The following GPATCH2 variants were observed in gnomAD, a reference collection of about 807,000 sequenced individuals.
GPATCH2 encodes G patch domain-containing protein 2.
In GPATCH2, 51 loss-of-function variants were observed where a neutral mutation model predicts 58.0. The observed-to-expected ratio is 0.88, with a 90% CI of 0.70 to 1.11. The LOEUF is 1.11. Among genes scored for constraint, GPATCH2 ranks in the 50% most tolerant of loss-of-function variants. The probability of loss-of-function intolerance (pLI) is 0.00; values close to 1 mark genes in which losing one functional copy is unlikely to be tolerated. For missense variants in GPATCH2, 625 were observed against 652.2 expected (o/e 0.96, Z 0.45); for synonymous variants, 222 against 218.5 (o/e 1.02, Z -0.14).
intron 9 of GPATCH2, among the ~76,000 whole-genome samples, chr1:217,446,252 T>A (rs1659382876): frequency 6.6e-6 from 1 of 152,098 alleles, no homozygotes; most frequent in Non-Finnish European, 1.5e-5. Flanking sequence ...ACTCAATGTG[T>A]TTTTCAGGAG....
At chr1:217,468,486 C>T (rs1307572154) in intron 8 of GPATCH2, among the ~76,000 whole-genome samples, 1 of 144,968 alleles carries the variant, frequency 6.9e-6, no homozygotes, top group East Asian at 2.1e-4. Flanking sequence ...ATGTCTTCAA[C>T]CAAAAAATGT....
intron 8 of GPATCH2, among the ~76,000 whole-genome samples, chr1:217,464,741 T>C (rs1018499611): frequency 7.9e-5 from 12 of 152,080 alleles, no homozygotes; most frequent in Admixed American, 4.6e-4. Context: ...TTTTGATTGG[T>C]TTATGAAAAC....
At chr1:217,461,759 A>T (rs1043309706) in intron 8 of GPATCH2, among the ~76,000 whole-genome samples, 3 of 152,190 alleles carry the variant, frequency 2.0e-5, no homozygotes, top group African/African-American at 7.2e-5. Context: ...CAGTATATGC[A>T]TGTACTTTTA....
intron 6 of GPATCH2, among the ~76,000 whole-genome samples, chr1:217,512,835 G>T (rs996291333): frequency 3.9e-5 from 6 of 152,192 alleles, no homozygotes; most frequent in African/African-American, 1.4e-4. Flanking sequence ...ACCCTGTAAG[G>T]CATCTGCTGC....
intron 7 of GPATCH2, chr1:217,498,113 C>CACAAG: frequency 1.7e-6 from 1 of 591,358 alleles, no homozygotes; most frequent in Admixed American, 3.0e-5. Context: ...GTTTCAGAGT[C>CACAAG]TTTCCATGGA....
At chr1:217,456,261 C>G (rs558632450) in intron 8 of GPATCH2, among the ~76,000 whole-genome samples, 1 of 152,280 alleles carries the variant, frequency 6.6e-6, no homozygotes, top group African/African-American at 2.4e-5. Flanking sequence ...AGTACCCACC[C>G]CTAGATGCTA....
At chr1:217,560,849 G>A (rs576394613) in intron 5 of GPATCH2, among the ~76,000 whole-genome samples, 2 of 152,018 alleles carry the variant, frequency 1.3e-5, no homozygotes, top group South Asian at 4.2e-4. Flanking sequence ...TTTTCTTCAG[G>A]TACTAATCAG....
At chr1:217,533,100 G>A (rs1375967769) in intron 5 of GPATCH2, among the ~76,000 whole-genome samples, 1 of 151,270 alleles carries the variant, frequency 6.6e-6, no homozygotes. Flanking sequence ...GGGGAGATGG[G>A]GTTTTGCCAT....
chr1:217,507,647 A>G (rs774681728), intron 6 of GPATCH2, among the ~76,000 whole-genome samples: 2 of 152,200 alleles, frequency 1.3e-5, no homozygotes, highest in African/African-American at 2.4e-5. Context: ...CTAACAGTAC[A>G]GTGGAATATA....
chr1:217,584,089 T>C lies in GPATCH2; in HGVS notation c.1098+26232A>G, dbSNP rs1667204343. ...GAAAGGTGAGAAAGAATCTGGTAAATCTTATAGATCTAAATAAATGCTATA... is the reference window on the plus strand; with the variant it reads ...GAAAGGTGAGAAAGAATCTGGTAAACCTTATAGATCTAAATAAATGCTATA... On this transcript the variant is annotated intron_variant, in intron 5 of 9. Transcript: ENST00000366935. 2.0e-5 allele frequency among the ~76,000 whole-genome samples: 3 copies of C among 151,836 alleles called. No homozygotes were observed. In the South Asian group the frequency reaches 6.2e-4, roughly 31 times the overall value.
intron 8 of GPATCH2, among the ~76,000 whole-genome samples, chr1:217,487,651 C>G (rs994504569): frequency 2.0e-5 from 3 of 152,136 alleles, no homozygotes; most frequent in African/African-American, 7.2e-5. Context: ...ATCTCCAACT[C>G]CTGACCTCAG....
At position 217,620,095 on chromosome 1, in the gene GPATCH2, C is replaced by T. The variant is rs1669111100; in HGVS notation, c.461G>A (p.Gly154Glu). The T allele has an allele frequency of 6.2e-7, 1 of 1,613,942 alleles. No homozygotes were observed. ...TCTCCTCCTGCGCAGAGTTCTATTC[C>T]CAACATTGTCCACAGCAAAATCAGA... ...HESDFAVDNVGNRTLRRRRKV... is the reference protein window; with the variant it reads ...HESDFAVDNVENRTLRRRRKV... The change falls in exon 2 of 10, where the codon GGG (glycine) becomes GAG (glutamate). Residue 154 changes from glycine to glutamate, a missense_variant. Transcript: ENST00000366935.
chr1:217,534,507 T>C (rs1664367234), intron 5 of GPATCH2, among the ~76,000 whole-genome samples: 1 of 152,140 alleles, frequency 6.6e-6, no homozygotes, highest in Non-Finnish European at 1.5e-5. Flanking sequence ...TAAGGCCATT[T>C]TTCATATTCA....
intron 5 of GPATCH2, among the ~76,000 whole-genome samples, chr1:217,527,635 C>T (rs762465538): frequency 5.3e-5 from 8 of 152,136 alleles, no homozygotes; most frequent in East Asian, 1.9e-4. Flanking sequence ...CTCTCTTGTT[C>T]GAGCCACCAT....
In GPATCH2 at chr1:217,614,144, G is replaced by A. The variant is rs377210749; in HGVS notation, c.832C>T (p.Gln278Ter). The A allele has an allele frequency of 6.5e-7, 1 of 1,531,390 alleles. No individual in the cohort carries two copies. Among genetic ancestry groups the A allele is most frequent in the East Asian group, 2.3e-5 (1 of 44,440 alleles). 94.9% of individuals were successfully genotyped at this position (1,531,390 alleles called of 1,614,324 possible). A position where few individuals can be genotyped will look rare whatever the true frequency, so the allele number is the denominator to read the frequency against. Residue 278 changes from glutamine to a stop codon, truncating the protein, a stop_gained, in exon 3 of 10, where the codon CAA becomes TAA. Coordinates refer to ENST00000366935, the MANE Select transcript of GPATCH2 (RefSeq NM_018040.5). LOFTEE classifies it high-confidence loss of function. Reference sequence around the variant, plus strand: ...GAAAAAAATATCATTTCAGTACCTTGTCTTCCCTCATCATTGGTAAACAAT... The same window carrying A: ...GAAAAAAATATCATTTCAGTACCTTATCTTCCCTCATCATTGGTAAACAAT... Reference protein sequence around the residue: ...AGLFTNDEGRQGDDEQSDWFY... With the variant: ...AGLFTNDEGR
rs187338304 is a variant in GPATCH2 at position 217,431,485 on chromosome 1, G to A, written c.1367-120C>T. 490 of 657,408 alleles carry A rather than the reference G, an allele frequency of 7.5e-4. 2 individuals are homozygous for A. The African/African-American group carries it at 7.9e-3, about 11-fold the overall frequency. The allele number at this position is 657,408 out of a possible 1,614,324, so 40.7% of individuals were successfully genotyped here. A position where few individuals can be genotyped will look rare whatever the true frequency, so the allele number is the denominator to read the frequency against. ...TTTGTTTTTCAACCAGGTACTAGAGGGGGTTGCGTATTCATCTTTGGATAC... is the reference window on the plus strand; with the variant it reads ...TTTGTTTTTCAACCAGGTACTAGAGAGGGTTGCGTATTCATCTTTGGATAC... On this transcript the variant is annotated intron_variant, in intron 9 of 9. Coordinates refer to ENST00000366935, the MANE Select transcript of GPATCH2 (RefSeq NM_018040.5).
intron 5 of GPATCH2, among the ~76,000 whole-genome samples, chr1:217,561,192 G>C (rs902871235): frequency 6.6e-6 from 1 of 152,074 alleles, no homozygotes; most frequent in African/African-American, 2.4e-5. Context: ...CAATACACTT[G>C]GTTTTTCCTT....
chr1:217,429,189 C>T lies in GPATCH2; in HGVS notation c.*1956G>A, dbSNP rs978763949. 10 of 152,008 alleles carry T rather than the reference C, an allele frequency of 6.6e-5. No homozygotes were observed. Among genetic ancestry groups the T allele is most frequent in the African/African-American group, 2.4e-4 (10 of 41,388 alleles). The allele number at this position is 152,008 out of a possible 1,614,324, so 9.4% of individuals were successfully genotyped here. A position where few individuals can be genotyped will look rare whatever the true frequency, so the allele number is the denominator to read the frequency against. ...TTAAAACTTGTATATAATCTCCCCC[C>T]GGCTACATAGACAGAATGAGCATTT... On this transcript the variant is annotated 3_prime_UTR_variant, in exon 10 of 10. Transcript: ENST00000366935.
chr1:217,456,529 G>A (rs1659950728), intron 8 of GPATCH2, among the ~76,000 whole-genome samples: 1 of 152,212 alleles, frequency 6.6e-6, no homozygotes, highest in Non-Finnish European at 1.5e-5. Context: ...ACTCCTCAAA[G>A]CAGTGTCAGC....
Sources: allele counts gnomAD v4.1 joint callset (sites outside exome capture counted in the v4.1 genomes callset), GRCh38; gene constraint gnomAD v4.1.1; transcripts MANE v1.5; gene names NCBI Gene and HGNC (gene_info 2026-07-23, HGNC 2026-07-21).